STRN: variants seen among roughly 807,000 people sequenced by gnomAD.
The protein encoded by STRN is striatin.
A neutral mutation model predicts 96.3 loss-of-function variants in STRN; 53 were observed. That is an observed-to-expected ratio of 0.55 (90% CI 0.44 to 0.69). The LOEUF is 0.69. STRN is among the 30% of genes least tolerant of loss of function. STRN has a pLI of 0.00. For synonymous variants in STRN, 428 were observed against 355.9 expected, an observed-to-expected ratio of 1.20 and a Z score of -2.28; for missense variants, 987 against 963.9, an observed-to-expected ratio of 1.02 and a Z score of -0.32.
intron 1 of STRN, among the ~76,000 whole-genome samples, chr2:36,947,923 A>G: frequency 6.6e-6 from 1 of 151,754 alleles, no homozygotes; most frequent in East Asian, 1.9e-4. Flanking sequence ...ATGGGACACT[A>G]AGGGTATGCA....
intron 9 of STRN, among the ~76,000 whole-genome samples, chr2:36,882,196 C>A (rs1443828494): frequency 1.3e-5 from 2 of 150,474 alleles, no homozygotes; most frequent in Non-Finnish European, 3.0e-5. Context: ...TAAAAAAAAA[C>A]AAGAAAAAAA....
chr2:36,884,412 G>GA (rs1669156947), intron 8 of STRN, among the ~76,000 whole-genome samples: 1 of 152,150 alleles, frequency 6.6e-6, no homozygotes, highest in Non-Finnish European at 1.5e-5. Context: ...ACTGTGCACT[G>GA]AATTAAACAG....
At chr2:36,922,387 A>C (rs928004151) in intron 2 of STRN, among the ~76,000 whole-genome samples, 5 of 151,864 alleles carry the variant, frequency 3.3e-5, no homozygotes, top group African/African-American at 1.2e-4. Flanking sequence ...TGTGGACTGG[A>C]GTATATCTGT....
intron 1 of STRN, among the ~76,000 whole-genome samples, chr2:36,932,618 T>A (rs1231420075): frequency 2.0e-5 from 3 of 152,200 alleles, no homozygotes; most frequent in Non-Finnish European, 4.4e-5. Flanking sequence ...TTATGTTTTT[T>A]AGAGATGAGG....
intron 14 of STRN, among the ~76,000 whole-genome samples, chr2:36,857,353 G>T (rs182507030): frequency 6.6e-6 from 1 of 152,124 alleles, no homozygotes; most frequent in Non-Finnish European, 1.5e-5. Flanking sequence ...TCTAAAATCT[G>T]TGTGTTCTTT....
intron 9 of STRN, among the ~76,000 whole-genome samples, chr2:36,879,377 T>G (rs909046703): frequency 6.6e-6 from 1 of 152,226 alleles, no homozygotes; most frequent in Non-Finnish European, 1.5e-5. Context: ...GCGAGAAAAT[T>G]TTTTAAAGTG....
chr2:36,858,846 C>T (rs911238029), intron 13 of STRN, among the ~76,000 whole-genome samples: 4 of 152,188 alleles, frequency 2.6e-5, no homozygotes, highest in Admixed American at 2.0e-4. Context: ...TATCCCAGTC[C>T]TCAACAGACA....
chr2:36,850,740 C>T (rs1371841183), intron 16 of STRN, among the ~76,000 whole-genome samples: 1 of 151,688 alleles, frequency 6.6e-6, no homozygotes, highest in African/African-American at 2.4e-5. Flanking sequence ...TCCTGGTGTC[C>T]CTAGTGATAA....
Position 36,922,328 on chromosome 2 carries a change from T to C in STRN, c.338+2777A>G, listed in dbSNP as rs1324451576. Among the ~76,000 whole-genome samples the C allele has an allele frequency of 3.3e-5, 5 of 151,928 alleles. No homozygotes were observed. In the East Asian group the frequency reaches 5.8e-4, roughly 18 times the overall value. On this transcript the variant is annotated intron_variant, in intron 2 of 17. Transcript: ENST00000263918. ...GAGCCCAGGAGGTCCAGACCAGCCCTGGGAACAGGGCGAGACCCTGTCTCT... is the reference window on the plus strand; with the variant it reads ...GAGCCCAGGAGGTCCAGACCAGCCCCGGGAACAGGGCGAGACCCTGTCTCT...
rs1319651757 is a variant in STRN, at chr2:36,845,592, T to C, written c.*3864A>G. 1 of 152,110 alleles carries C rather than the reference T, an allele frequency of 6.6e-6. No individual in the cohort carries two copies. The highest frequency in any genetic ancestry group is 1.5e-5 in the Non-Finnish European group (1 of 68,002). 9.4% of individuals were successfully genotyped at this position (152,110 alleles called of 1,614,324 possible). A position where few individuals can be genotyped will look rare whatever the true frequency, so the allele number is the denominator to read the frequency against. ...TTTTGTAAGAGGGAAATATATGAAG[T>C]ATTAAAAAGTGAGCCTTTAAAAAAT... On this transcript the variant is annotated 3_prime_UTR_variant, in exon 18 of 18. Transcript: ENST00000263918.
At chr2:36,883,673 T>C (rs1169578993) in intron 9 of STRN, among the ~76,000 whole-genome samples, 2 of 152,210 alleles carry the variant, frequency 1.3e-5, no homozygotes, top group Non-Finnish European at 2.9e-5. Flanking sequence ...TATAGGGCCA[T>C]GGGCATCAGT....
At chr2:36,900,553 A>G (rs1669655787) in intron 5 of STRN, among the ~76,000 whole-genome samples, 1 of 152,212 alleles carries the variant, frequency 6.6e-6, no homozygotes, top group Non-Finnish European at 1.5e-5. Flanking sequence ...GAAATAGTTG[A>G]ATTTTCAAAT....
intron 1 of STRN, among the ~76,000 whole-genome samples, chr2:36,927,374 T>C (rs565038606): frequency 1.1e-4 from 16 of 151,974 alleles, no homozygotes; most frequent in African/African-American, 3.1e-4. Context: ...CCAGGCATGG[T>C]GGCATGTGTC....
chr2:36,873,928 C>A (rs1258453751), intron 10 of STRN, among the ~76,000 whole-genome samples: 2 of 120,038 alleles, frequency 1.7e-5, no homozygotes, highest in Admixed American at 1.9e-4. Context: ...GGCGACAAAG[C>A]GAGACTCCGC....
At chr2:36,926,907 G>T (rs947191380) in intron 1 of STRN, among the ~76,000 whole-genome samples, 1 of 152,132 alleles carries the variant, frequency 6.6e-6, no homozygotes, top group Non-Finnish European at 1.5e-5. Flanking sequence ...TGAAAGTCGT[G>T]TCAAAAGGAA....
Position 36,959,551 on chromosome 2 carries a change from T to C in STRN, c.234+6679A>G, listed in dbSNP as rs376998935. The stretch of plus-strand genomic sequence containing the variant: ...ACCTCACTTTACCTAACTGAGCTGA[T>C]TATTTCCAAAGTTCATTCCAGCTCA... On this transcript the variant is annotated intron_variant, in intron 1 of 17. Coordinates refer to ENST00000263918, the MANE Select transcript of STRN (RefSeq NM_003162.4). Among the ~76,000 whole-genome samples the C allele has an allele frequency of 1.7e-4, 26 of 152,338 alleles. No individual in the cohort carries two copies. The East Asian group carries it at 2.9e-3, about 17-fold the overall frequency.
intron 7 of STRN, among the ~76,000 whole-genome samples, chr2:36,892,447 C>CA (rs1227432624): frequency 2.0e-5 from 3 of 151,804 alleles, no homozygotes; most frequent in African/African-American, 4.8e-5. Flanking sequence ...AAACAAAAAA[C>CA]AAAAAAACAC....
chr2:36,882,528 AG>A (rs1669101846), intron 9 of STRN, among the ~76,000 whole-genome samples: 1 of 152,104 alleles, frequency 6.6e-6, no homozygotes, highest in African/African-American at 2.4e-5. Context: ...GCACTTTGGG[AG>A]GCCGACGCAG....
intron 3 of STRN, among the ~76,000 whole-genome samples, chr2:36,907,165 C>T (rs1294285338): frequency 6.6e-6 from 1 of 152,164 alleles, no homozygotes; most frequent in African/African-American, 2.4e-5. Flanking sequence ...AGCCCTTGAT[C>T]AAACTCTAAA....
Sources: allele counts gnomAD v4.1 joint callset (sites outside exome capture counted in the v4.1 genomes callset), GRCh38; gene constraint gnomAD v4.1.1; transcripts MANE v1.5; gene names NCBI Gene and HGNC (gene_info 2026-07-23, HGNC 2026-07-21).